The following MYO5B variants were observed in gnomAD, a reference collection of about 807,000 sequenced individuals.
The protein encoded by MYO5B is unconventional myosin-Vb.
In MYO5B, 143 loss-of-function variants were observed where a neutral mutation model predicts 229.3. The observed-to-expected ratio is 0.62, with a 90% CI of 0.54 to 0.72. MYO5B has a LOEUF of 0.72. MYO5B is among the 30% of genes least tolerant of loss of function. MYO5B has a pLI of 0.00. For synonymous variants in MYO5B, 918 were observed against 885.2 expected (o/e 1.04, Z -0.66); for missense variants, 2,321 against 2,331.0 (o/e 1.00, Z 0.09).
chr18:49,996,054 C>A (rs1238181257), intron 5 of MYO5B, among the ~76,000 whole-genome samples: 1 of 152,210 alleles, frequency 6.6e-6, no homozygotes, highest in Non-Finnish European at 1.5e-5. Context: ...GTTTCAATTT[C>A]AAACTTTTAA....
intron 1 of MYO5B, among the ~76,000 whole-genome samples, chr18:50,076,073 T>G (rs779503614): frequency 6.6e-6 from 1 of 152,122 alleles, no homozygotes; most frequent in Non-Finnish European, 1.5e-5. Flanking sequence ...ATTTGAAAAA[T>G]AGTCTCAAAA....
intron 29 of MYO5B, among the ~76,000 whole-genome samples, chr18:49,859,523 T>C (rs192504385): frequency 2.0e-4 from 30 of 152,312 alleles, no homozygotes; most frequent in Admixed American, 1.2e-3. Flanking sequence ...ATACCCAAGC[T>C]TTCTATTCAA....
chr18:49,848,909 G>C (rs974245162), intron 32 of MYO5B, among the ~76,000 whole-genome samples: 2 of 152,168 alleles, frequency 1.3e-5, no homozygotes, highest in South Asian at 2.1e-4. Flanking sequence ...CTGTGATCAG[G>C]GTTGTGCCCA....
intron 14 of MYO5B, among the ~76,000 whole-genome samples, chr18:49,950,542 A>G (rs1267035770): frequency 6.6e-6 from 1 of 152,208 alleles, no homozygotes; most frequent in Non-Finnish European, 1.5e-5. Context: ...TTTAAAAAAG[A>G]GAAATAGATG....
intron 29 of MYO5B, among the ~76,000 whole-genome samples, chr18:49,857,273 A>G (rs953788360): frequency 1.3e-5 from 2 of 152,244 alleles, no homozygotes; most frequent in African/African-American, 2.4e-5. Context: ...GCTTCCCTCA[A>G]TCAGATTGAT....
chr18:50,067,539 G>A (rs57109291), intron 1 of MYO5B, among the ~76,000 whole-genome samples: 1,800 of 152,274 alleles, frequency 0.012, 28 homozygotes, highest in African/African-American at 0.041. Flanking sequence ...GGCCTAATGG[G>A]GGATGTTTGG....
intron 29 of MYO5B, among the ~76,000 whole-genome samples, chr18:49,862,004 T>TTG (rs2024336313): frequency 6.6e-6 from 1 of 151,598 alleles, no homozygotes; most frequent in African/African-American, 2.4e-5. Context: ...TGTTTTTTTT[T>TTG]TTTTTTTTTG....
intron 1 of MYO5B, among the ~76,000 whole-genome samples, chr18:50,116,698 T>C (rs2031968954): frequency 6.6e-6 from 1 of 152,008 alleles, no homozygotes. Context: ...ATCAGCCGCA[T>C]AGCTTCACGG....
At chr18:50,151,127 T>C (rs760703720) in intron 1 of MYO5B, among the ~76,000 whole-genome samples, 1 of 152,268 alleles carries the variant, frequency 6.6e-6, no homozygotes. Flanking sequence ...ATGAGAGACA[T>C]TGGCTTCCTT....
chr18:50,065,019 T>C (rs1397036341), intron 1 of MYO5B, among the ~76,000 whole-genome samples: 1 of 152,222 alleles, frequency 6.6e-6, no homozygotes, highest in East Asian at 1.9e-4. Flanking sequence ...CTTCAAGAGA[T>C]GACCTATCTC....
intron 22 of MYO5B, among the ~76,000 whole-genome samples, chr18:49,888,269 C>A (rs551755580): frequency 6.6e-6 from 1 of 152,200 alleles, no homozygotes; most frequent in Non-Finnish European, 1.5e-5. Context: ...ACCCTCCTCT[C>A]ACCTTCAATT....
intron 1 of MYO5B, among the ~76,000 whole-genome samples, chr18:50,056,181 G>T (rs778653043): frequency 3.9e-5 from 6 of 152,212 alleles, no homozygotes; most frequent in Admixed American, 3.9e-4. Context: ...GTTCTGGCAG[G>T]AAAGAACACA....
chr18:49,893,570 T>C (rs570887871), intron 22 of MYO5B, among the ~76,000 whole-genome samples: 1 of 152,316 alleles, frequency 6.6e-6, no homozygotes, highest in Non-Finnish European at 1.5e-5. Context: ...GTGACTTATC[T>C]GGGCAGAGGG....
chr18:50,117,700 AAAG>A (rs1262092726), intron 1 of MYO5B, among the ~76,000 whole-genome samples: 1 of 152,136 alleles, frequency 6.6e-6, no homozygotes, highest in Non-Finnish European at 1.5e-5. Context: ...AGCAGGAGAG[AAAG>A]AAAAGCTACA....
intron 22 of MYO5B, among the ~76,000 whole-genome samples, chr18:49,893,503 C>G (rs528731980): frequency 6.6e-6 from 1 of 152,184 alleles, no homozygotes; most frequent in Non-Finnish European, 1.5e-5. Context: ...CCAAGCACCA[C>G]GTGCTTTCTC....
At chr18:50,036,411 G>A (rs147431738) in intron 4 of MYO5B, among the ~76,000 whole-genome samples, 4 of 152,298 alleles carry the variant, frequency 2.6e-5, no homozygotes, top group Admixed American at 6.5e-5. Flanking sequence ...CTGCCCTTAC[G>A]TGCTTGGCAT....
chr18:49,859,556 C>T (rs2024303591), intron 29 of MYO5B, among the ~76,000 whole-genome samples: 1 of 152,174 alleles, frequency 6.6e-6, no homozygotes, highest in South Asian at 2.1e-4. Context: ...TTCCCTGGGA[C>T]CTCTGGGAAA....
intron 1 of MYO5B, among the ~76,000 whole-genome samples, chr18:50,082,971 A>C (rs1019632516): frequency 6.6e-6 from 1 of 152,220 alleles, no homozygotes; most frequent in Non-Finnish European, 1.5e-5. Context: ...TTAAGAGCCC[A>C]GTTCCACAAG....
chr18:50,109,669 A>G (rs1434768839), intron 1 of MYO5B, among the ~76,000 whole-genome samples: 1 of 151,844 alleles, frequency 6.6e-6, no homozygotes, highest in African/African-American at 2.4e-5. Context: ...GTTGTGATCC[A>G]CCTGCCTCAG....
Sources: allele counts gnomAD v4.1 joint callset (sites outside exome capture counted in the v4.1 genomes callset), GRCh38; gene constraint gnomAD v4.1.1; transcripts MANE v1.5; gene names NCBI Gene and HGNC (gene_info 2026-07-23, HGNC 2026-07-21).